The following ADAM22 variants were observed in gnomAD, a reference collection of about 807,000 sequenced individuals.
ADAM22 encodes the protein disintegrin and metalloproteinase domain-containing protein 22.
A neutral mutation model predicts 144.6 loss-of-function variants in ADAM22; 65 were observed. The observed-to-expected ratio is 0.45, with a 90% CI of 0.37 to 0.55. The LOEUF is 0.55. Among genes scored for constraint, ADAM22 ranks in the 20% least tolerant of loss-of-function variants. ADAM22 has a pLI of 0.00. For synonymous variants in ADAM22, 391 were observed against 412.6 expected (o/e 0.95, Z 0.63); for missense variants, 974 against 1,184.9 (o/e 0.82, Z 2.61).
chr7:87,937,601 GTCC>G (rs890049333), intron 2 of ADAM22, among the ~76,000 whole-genome samples: 1 of 152,176 alleles, frequency 6.6e-6, no homozygotes, highest in African/African-American at 2.4e-5. Context: ...GAGGAGGTCA[GTCC>G]TCCTTTTCTC....
chr7:88,168,488 C>A, intron 25 of ADAM22: 1 of 472,240 alleles, frequency 2.1e-6, no homozygotes, highest in Non-Finnish European at 4.1e-6. Context: ...TGAAACCAGT[C>A]TAAATTTGTA....
intron 2 of ADAM22, among the ~76,000 whole-genome samples, chr7:87,947,474 A>G (rs1303772680): frequency 6.6e-6 from 1 of 152,102 alleles, no homozygotes; most frequent in Non-Finnish European, 1.5e-5. Flanking sequence ...ATGTCAAACC[A>G]CAGTGTATAG....
At chr7:88,039,555 C>T (rs1802575085) in intron 3 of ADAM22, among the ~76,000 whole-genome samples, 1 of 145,580 alleles carries the variant, frequency 6.9e-6, no homozygotes, top group Admixed American at 6.9e-5. Context: ...TTAAGGATTC[C>T]AAGGACAGGG....
At chr7:88,009,023 T>G (rs1584986443) in intron 3 of ADAM22, among the ~76,000 whole-genome samples, 1 of 152,190 alleles carries the variant, frequency 6.6e-6, no homozygotes, top group Admixed American at 6.5e-5. Flanking sequence ...TTATTGATAG[T>G]TCAGAAAAAT....
At chr7:87,956,919 C>T (rs1374427641) in intron 2 of ADAM22, among the ~76,000 whole-genome samples, 4 of 152,322 alleles carry the variant, frequency 2.6e-5, no homozygotes, top group East Asian at 1.9e-4. Flanking sequence ...GAAACACACA[C>T]ATGAAAGTAT....
intron 3 of ADAM22, among the ~76,000 whole-genome samples, chr7:87,978,819 G>A (rs1441815989): frequency 6.6e-6 from 1 of 152,224 alleles, no homozygotes; most frequent in Non-Finnish European, 1.5e-5. Flanking sequence ...GATATGTGAT[G>A]TTAAATAGTA....
At chr7:88,166,229 G>A (rs1842912283) in intron 24 of ADAM22, among the ~76,000 whole-genome samples, 2 of 152,102 alleles carry the variant, frequency 1.3e-5, no homozygotes. Flanking sequence ...TCTTTCAAAT[G>A]TGGAAGTAGT....
rs1043712815 is a variant in ADAM22, at chr7:88,109,465, T to G, written c.473+1207T>G. On this transcript the variant is annotated intron_variant, in intron 5 of 31. Coordinates refer to ENST00000413139, the MANE Select transcript of ADAM22 (RefSeq NM_001324418.2). ...CATTTCCTTCTTGTTTGTTTTACTTTTTGGCACAGAACAATCCAGCACTTT... is the reference window on the plus strand; with the variant it reads ...CATTTCCTTCTTGTTTGTTTTACTTGTTGGCACAGAACAATCCAGCACTTT... Among the ~76,000 whole-genome samples, 4 of 152,206 alleles carry G rather than the reference T, an allele frequency of 2.6e-5. No homozygotes were observed. In the East Asian group the frequency reaches 7.7e-4, roughly 29 times the overall value.
chr7:88,027,529 A>G (rs979511712), intron 3 of ADAM22, among the ~76,000 whole-genome samples: 1 of 152,168 alleles, frequency 6.6e-6, no homozygotes, highest in Non-Finnish European at 1.5e-5. Flanking sequence ...TATAGTTGCA[A>G]ATAGTAGCCT....
intron 4 of ADAM22, among the ~76,000 whole-genome samples, chr7:88,087,618 T>C (rs932869363): frequency 5.3e-5 from 8 of 152,184 alleles, no homozygotes; most frequent in African/African-American, 1.9e-4. Flanking sequence ...TGATTTATTA[T>C]ATCACCAATG....
chr7:88,030,495 T>A (rs1373114900), intron 3 of ADAM22, among the ~76,000 whole-genome samples: 1 of 152,140 alleles, frequency 6.6e-6, no homozygotes, highest in East Asian at 1.9e-4. Context: ...TATTATTTGG[T>A]GATATGGCTT....
chr7:87,974,099 TAA>T (rs1192673019), intron 2 of ADAM22, among the ~76,000 whole-genome samples: 1 of 129,408 alleles, frequency 7.7e-6, no homozygotes, highest in African/African-American at 2.8e-5. Flanking sequence ...ATAATAAAAT[TAA>T]AAAAAAAAAA....
intron 6 of ADAM22, among the ~76,000 whole-genome samples, chr7:88,116,099 C>A (rs1377973806): frequency 6.6e-6 from 1 of 152,066 alleles, no homozygotes; most frequent in Non-Finnish European, 1.5e-5. Flanking sequence ...CCCACTGCTG[C>A]CTGTCTTGTC....
intron 2 of ADAM22, among the ~76,000 whole-genome samples, chr7:87,955,126 C>G (rs1248573960): frequency 1.3e-5 from 2 of 152,244 alleles, no homozygotes; most frequent in African/African-American, 4.8e-5. Flanking sequence ...AAGCCTTCTT[C>G]TCTCAACTCG....
At chr7:88,043,619 T>A (rs1490952868) in intron 3 of ADAM22, among the ~76,000 whole-genome samples, 3 of 152,090 alleles carry the variant, frequency 2.0e-5, no homozygotes, top group African/African-American at 7.2e-5. Flanking sequence ...GGGGGATCAC[T>A]TAAGCCCAGG....
intron 3 of ADAM22, among the ~76,000 whole-genome samples, chr7:88,025,432 C>G (rs939713964): frequency 6.6e-6 from 1 of 151,924 alleles, no homozygotes; most frequent in African/African-American, 2.4e-5. Flanking sequence ...TGGGGTATTA[C>G]TGGTATTGCT....
At chr7:88,083,549 C>G (rs1057426986) in intron 4 of ADAM22, among the ~76,000 whole-genome samples, 1 of 150,618 alleles carries the variant, frequency 6.6e-6, no homozygotes, top group Non-Finnish European at 1.5e-5. Context: ...TAGTTATCAA[C>G]ACTTTGACTA....
At chr7:87,961,851 G>A (rs1362917998) in intron 2 of ADAM22, among the ~76,000 whole-genome samples, 2 of 152,164 alleles carry the variant, frequency 1.3e-5, no homozygotes, top group African/African-American at 4.8e-5. Flanking sequence ...ATAAATGGGG[G>A]TTGAGGAACT....
intron 17 of ADAM22, among the ~76,000 whole-genome samples, chr7:88,147,302 G>T (rs1836804414): frequency 6.6e-6 from 1 of 152,188 alleles, no homozygotes; most frequent in Non-Finnish European, 1.5e-5. Context: ...GAATGGAGGA[G>T]GGAGAATAGA....
Sources: gnomAD v4.1 joint callset for allele counts (sites outside exome capture counted in the v4.1 genomes callset) on GRCh38, gnomAD v4.1.1 for gene constraint, MANE v1.5 for transcripts, NCBI Gene and HGNC (gene_info 2026-07-23, HGNC 2026-07-21) for gene names.